Variants in CNIH3 observed in about 807,000 individuals in gnomAD.
The protein encoded by CNIH3 is cornichon family AMPA receptor auxiliary protein 3, also known as protein cornichon homolog 3.
CNIH3 carries 14 observed loss-of-function variants against 24.1 expected under a neutral mutation model. That is an observed-to-expected ratio of 0.58 (90% CI 0.38 to 0.91). The LOEUF (loss-of-function observed/expected upper bound fraction) is 0.91. CNIH3 is among the 40% of genes least tolerant of loss of function. The probability of loss-of-function intolerance (pLI) is 0.00; values close to 1 mark genes in which losing one functional copy is unlikely to be tolerated. For missense variants in CNIH3, 178 were observed against 196.8 expected (o/e 0.90, Z 0.57); for synonymous variants, 68 against 73.8 (o/e 0.92, Z 0.40).
In CNIH3 at chr1:224,659,515, C is replaced by T. The variant is rs532638857; in HGVS notation, c.82-21443C>T. 8.0e-5 allele frequency among the ~76,000 whole-genome samples: 11 copies of T among 138,050 alleles called. No homozygotes were observed. In the East Asian group the frequency reaches 1.8e-3, roughly 23 times the overall value. The allele number at this position is 138,050 out of a possible 152,430, so 90.6% of individuals were successfully genotyped here. A position where few individuals can be genotyped will look rare whatever the true frequency, so the allele number is the denominator to read the frequency against. On this transcript the variant is annotated intron_variant, in intron 1 of 5. Transcript: ENST00000272133. Reference sequence around the variant, plus strand: ...AAGCTCATTTAGATAACCTGAAAGCCAAACCTGATGGGAAAAGAGTACTTG... The same window carrying T: ...AAGCTCATTTAGATAACCTGAAAGCTAAACCTGATGGGAAAAGAGTACTTG...
chr1:224,521,610 T>C (rs1313610460), intron 2 of CNIH3: 1 of 152,136 alleles, frequency 6.6e-6, no homozygotes, highest in African/African-American at 2.4e-5. Context: ...CCTGGGGTGT[T>C]TGAAAAGATA....
intron 5 of CNIH3, chr1:224,587,218 A>T (rs1461024288): frequency 6.6e-6 from 1 of 152,296 alleles, no homozygotes; most frequent in Non-Finnish European, 1.5e-5. Context: ...TGAAGAGTCA[A>T]GGTTTGGGAG....
At position 224,617,267 on chromosome 1, in the gene CNIH3, G is replaced by A. The variant is rs764828206; in HGVS notation, c.81+12G>A. On this transcript the variant is annotated intron_variant, in intron 1 of 5. Transcript: ENST00000272133. ...TCGCCATCTGGCACGTGAGTAACAC[G>A]CTTTGGTCTCTCTTCTTTCGCCCCA... The A allele has an allele frequency of 6.2e-6, 10 of 1,612,740 alleles. No homozygotes were observed. Among genetic ancestry groups the A allele is most frequent in the Non-Finnish European group, 5.1e-6 (6 of 1,179,496 alleles).
At chr1:224,470,060 C>T (rs546040502) in intron 1 of CNIH3, among the ~76,000 whole-genome samples, 3 of 151,468 alleles carry the variant, frequency 2.0e-5, no homozygotes, top group Non-Finnish European at 2.9e-5. Context: ...GCTTTGTTGC[C>T]CAGGCTGGAG....
chr1:224,457,561 G>A (rs945659569), intron 1 of CNIH3, among the ~76,000 whole-genome samples: 5 of 125,214 alleles, frequency 4.0e-5, no homozygotes, highest in Admixed American at 3.0e-4. Flanking sequence ...CTCCCTCCCT[G>A]CAACACTAAG....
exon 3 of CNIH3, chr1:224,536,962 AC>A (rs1366223345): frequency 6.6e-6 from 1 of 152,238 alleles, no homozygotes; most frequent in African/African-American, 2.4e-5. Flanking sequence ...AAATGAATCA[AC>A]GCATGAGCAA....
chr1:224,602,790 A>C (rs917486793), intron 3 of CNIH3, among the ~76,000 whole-genome samples: 2 of 152,224 alleles, frequency 1.3e-5, no homozygotes, highest in African/African-American at 2.4e-5. Flanking sequence ...AGGGCTTTGA[A>C]TCTCTAGAGG....
intron 3 of CNIH3, among the ~76,000 whole-genome samples, chr1:224,713,411 G>C (rs1437169575): frequency 6.6e-6 from 1 of 152,192 alleles, no homozygotes; most frequent in Non-Finnish European, 1.5e-5. Context: ...TGCAGGTTCA[G>C]GGGTTTATTT....
chr1:224,499,928 A>G (rs1406546883), intron 1 of CNIH3, among the ~76,000 whole-genome samples: 3 of 151,872 alleles, frequency 2.0e-5, no homozygotes, highest in Admixed American at 2.0e-4. Flanking sequence ...AAAAGAAAAG[A>G]AAAAGAAATC....
intron 3 of CNIH3, among the ~76,000 whole-genome samples, chr1:224,551,982 T>C (rs541026626): frequency 1.9e-3 from 281 of 151,652 alleles, no homozygotes; most frequent in Non-Finnish European, 2.9e-3. Flanking sequence ...GTTATACTAC[T>C]AATATCACAC....
At chr1:224,510,886 TGGGAGAA>T (rs1678124571), upstream of CNIH3, among the ~76,000 whole-genome samples, 1 of 152,170 alleles carries the variant, frequency 6.6e-6, no homozygotes, top group Non-Finnish European at 1.5e-5. Context: ...CTTTGTCCTC[TGGGAGAA>T]GGGGCAAGGG....
intron 1 of CNIH3, among the ~76,000 whole-genome samples, chr1:224,465,639 C>T (rs190481628): frequency 1.3e-5 from 2 of 152,116 alleles, no homozygotes; most frequent in Admixed American, 6.5e-5. Flanking sequence ...TAATTATAAA[C>T]GGGATATTGC....
At chr1:224,542,776 C>T (rs1055310718) in intron 2 of CNIH3, among the ~76,000 whole-genome samples, 14 of 152,298 alleles carry the variant, frequency 9.2e-5, no homozygotes, top group South Asian at 2.1e-4. Context: ...TGCCTCTTCT[C>T]GTCAACCCCT....
At chr1:224,441,512 C>T (rs1674912548) in intron 1 of CNIH3, among the ~76,000 whole-genome samples, 1 of 152,226 alleles carries the variant, frequency 6.6e-6, no homozygotes, top group Non-Finnish European at 1.5e-5. Context: ...ACAACAGGCC[C>T]TTTGGGCAGT....
chr1:224,579,675 G>T (rs1418582130), intron 4 of CNIH3, among the ~76,000 whole-genome samples: 1 of 152,164 alleles, frequency 6.6e-6, no homozygotes, highest in Non-Finnish European at 1.5e-5. Flanking sequence ...GGAAGGGATT[G>T]GTGTCGTCCT....
At chr1:224,468,957 G>C (rs1401232823) in intron 1 of CNIH3, among the ~76,000 whole-genome samples, 1 of 151,714 alleles carries the variant, frequency 6.6e-6, no homozygotes, top group Admixed American at 6.6e-5. Flanking sequence ...TCTCTATCAA[G>C]TTGAGTCAGT....
chr1:224,450,568 T>C (rs1199095001), intron 1 of CNIH3, among the ~76,000 whole-genome samples: 2 of 152,168 alleles, frequency 1.3e-5, no homozygotes, highest in Non-Finnish European at 2.9e-5. Context: ...CCTGGTTAGC[T>C]AAAGCCAAGG....
At chr1:224,552,775 G>A (rs1679975367) in intron 3 of CNIH3, among the ~76,000 whole-genome samples, 1 of 151,412 alleles carries the variant, frequency 6.6e-6, no homozygotes, top group Non-Finnish European at 1.5e-5. Flanking sequence ...CACTCCCTGT[G>A]ATATTAGGAG....
chr1:224,524,447 C>T (rs969894269), intron 2 of CNIH3, among the ~76,000 whole-genome samples: 2 of 152,134 alleles, frequency 1.3e-5, no homozygotes, highest in African/African-American at 2.4e-5. Context: ...TTACATTTAT[C>T]CTTTAGCCTC....
Sources: gnomAD v4.1 joint callset for allele counts (sites outside exome capture counted in the v4.1 genomes callset) on GRCh38, gnomAD v4.1.1 for gene constraint, MANE v1.5 for transcripts, NCBI Gene and HGNC (gene_info 2026-07-23, HGNC 2026-07-21) for gene names.